ADGRF1: variants seen among roughly 807,000 people sequenced by gnomAD.
ADGRF1 encodes the protein adhesion G protein-coupled receptor F1, also known as G protein-coupled receptor 110.
A neutral mutation model predicts 87.2 loss-of-function variants in ADGRF1; 85 were observed. The ratio of observed to expected loss-of-function variants is 0.97; its 90% confidence interval spans 0.82 to 1.17. The LOEUF (loss-of-function observed/expected upper bound fraction) is 1.17. ADGRF1 is among the 50% of genes most tolerant of loss of function. The pLI, the probability that ADGRF1 is intolerant of heterozygous loss-of-function variation, is 0.00. For synonymous variants in ADGRF1, 430 were observed against 408.8 expected, an observed-to-expected ratio of 1.05 and a Z score of -0.63; for missense variants, 1,169 against 1,077.2, an observed-to-expected ratio of 1.09 and a Z score of -1.19.
intron 7 of ADGRF1, chr6:47,018,208 T>A: frequency 2.8e-6 from 1 of 358,470 alleles, no homozygotes; most frequent in Non-Finnish European, 4.8e-6. Flanking sequence ...AGTAATAAAT[T>A]TAGAATCCAT....
At chr6:47,013,015 G>T in intron 9 of ADGRF1, 1 of 935,512 alleles carries the variant, frequency 1.1e-6, no homozygotes, top group Non-Finnish European at 1.3e-6. Flanking sequence ...CTCATGATCT[G>T]CCCGGCTTGG....
At position 47,009,486 on chromosome 6, in the gene ADGRF1, G is replaced by A. The variant is rs766570587; in HGVS notation, c.1949C>T (p.Thr650Met). The part of the protein sequence containing the change: ...WFIVGATVDT[T>M]VNPSGVCTAA... The stretch of plus-strand genomic sequence containing the variant: ...TGTGCAGACTCCAGAAGGGTTCACC[G>A]TGGTGTCCACTGTGGCACCAACAAT... The change falls in exon 11 of 15, where the codon ACG becomes ATG. Residue 650 changes from threonine (T) to methionine (M), a missense_variant. Transcript: ENST00000371253. 9.9e-6 allele frequency: 16 copies of A among 1,613,922 alleles called. No homozygotes were observed. The highest frequency in any genetic ancestry group is 3.3e-4 in the Middle Eastern group (2 of 6,062).
intron 8 of ADGRF1, among the ~76,000 whole-genome samples, chr6:47,016,028 G>A (rs1354568521): frequency 1.3e-5 from 2 of 152,066 alleles, no homozygotes; most frequent in African/African-American, 4.8e-5. Context: ...GTGAGCCACT[G>A]CACCCAGCCA....
chr6:47,010,852 C>T (rs1303535229), intron 10 of ADGRF1, among the ~76,000 whole-genome samples: 1 of 152,164 alleles, frequency 6.6e-6, no homozygotes, highest in Non-Finnish European at 1.5e-5. Context: ...AAAGCCTGAA[C>T]CCAAGCATTG....
At chr6:47,030,328 T>C (rs1460903329) in intron 1 of ADGRF1, among the ~76,000 whole-genome samples, 1 of 152,200 alleles carries the variant, frequency 6.6e-6, no homozygotes, top group Non-Finnish European at 1.5e-5. Flanking sequence ...ATGGTCCTCT[T>C]ATGCCCCACC....
intron 13 of ADGRF1, among the ~76,000 whole-genome samples, chr6:47,002,641 C>T (rs567826092): frequency 1.3e-5 from 2 of 152,132 alleles, no homozygotes; most frequent in South Asian, 4.2e-4. Flanking sequence ...TTATATGGGT[C>T]GAAACACTTA....
intron 9 of ADGRF1, 141 bp downstream of exon 9, chr6:47,014,540 G>A (rs1479581097): frequency 8.3e-6 from 12 of 1,450,088 alleles, no homozygotes; most frequent in Non-Finnish European, 1.1e-5. Flanking sequence ...GGTTCACCAG[G>A]GTCTGATGTC....
chr6:47,034,561 T>C (rs1464974699), intron 1 of ADGRF1, among the ~76,000 whole-genome samples: 1 of 152,238 alleles, frequency 6.6e-6, no homozygotes. Context: ...TTTGTTCAAC[T>C]ACCGTATACT....
intron 7 of ADGRF1, chr6:47,018,401 A>G: frequency 7.8e-7 from 1 of 1,277,474 alleles, no homozygotes. Flanking sequence ...CCGCAGCTCA[A>G]ATTCTTACTA....
At chr6:47,027,184 G>T (rs1399938420) in intron 3 of ADGRF1, among the ~76,000 whole-genome samples, 2 of 152,146 alleles carry the variant, frequency 1.3e-5, no homozygotes, top group African/African-American at 4.8e-5. Context: ...GTCATTCCAA[G>T]TTGAAATTTT....
intron 5 of ADGRF1, 135 bp from the exon 6 acceptor site, chr6:47,022,193 T>C: frequency 1.7e-6 from 1 of 573,234 alleles, no homozygotes; most frequent in Non-Finnish European, 3.0e-6. Context: ...TAAGAAATGT[T>C]CACCTAAAAT....
In ADGRF1 at chr6:47,025,840, G is replaced by A. The variant is rs546600179; in HGVS notation, c.277+14C>T. 7.3e-5 allele frequency: 115 copies of A among 1,564,636 alleles called. 1 individual carries two copies. In the South Asian group the frequency reaches 1.0e-3, roughly 14 times the overall value. ...TTCCCCATTTATACATCCAGTCACC[G>A]AGAGCCACCTTACCTGTGGTAGCCT... is the stretch of plus-strand genomic sequence containing the variant. On this transcript the variant is annotated intron_variant, in intron 4 of 14. Coordinates refer to ENST00000371253, the MANE Select transcript of ADGRF1 (RefSeq NM_153840.4).
rs1022411485 is a variant in ADGRF1 at position 47,019,272 on chromosome 6, C to T, written c.611+1459G>A. 11 of 957,204 alleles carry T rather than the reference C, an allele frequency of 1.1e-5. 1 individual carries two copies. The South Asian group carries it at 4.4e-4, about 38-fold the overall frequency. 59.3% of individuals were successfully genotyped at this position (957,204 alleles called of 1,614,324 possible). A position where few individuals can be genotyped will look rare whatever the true frequency, so the allele number is the denominator to read the frequency against. Reference sequence around the variant, plus strand: ...TTGAAAGTATGATCAACTGTATAAACCTCAATATAAAAAAAAGCAGTGTTT... The same window carrying T: ...TTGAAAGTATGATCAACTGTATAAATCTCAATATAAAAAAAAGCAGTGTTT... On this transcript the variant is annotated intron_variant, in intron 7 of 14. Coordinates refer to ENST00000371253, the MANE Select transcript of ADGRF1 (RefSeq NM_153840.4).
chr6:47,039,103 T>C (rs1780668214), intron 1 of ADGRF1, among the ~76,000 whole-genome samples: 1 of 152,170 alleles, frequency 6.6e-6, no homozygotes, highest in Admixed American at 6.5e-5. Context: ...AAAGAAACTC[T>C]TATCAGGTTT....
chr6:47,039,058 A>G (rs1780667506), intron 1 of ADGRF1, among the ~76,000 whole-genome samples: 3 of 152,218 alleles, frequency 2.0e-5, no homozygotes, highest in Non-Finnish European at 4.4e-5. Context: ...CAACTTCACA[A>G]ATGTATAATA....
intron 4 of ADGRF1, among the ~76,000 whole-genome samples, chr6:47,025,199 G>A (rs894353441): frequency 3.9e-5 from 6 of 152,064 alleles, no homozygotes; most frequent in African/African-American, 1.2e-4. Context: ...AGACACCTTT[G>A]TGAAAATACC....
Position 46,998,937 on chromosome 6 carries a change from A to G in ADGRF1, c.*1285T>C, listed in dbSNP as rs991364822. On this transcript the variant is annotated 3_prime_UTR_variant, in exon 15 of 15. Transcript: ENST00000371253. ...GAATTTCTCTCAGGTATGCTTATTT[A>G]ATCTACCACCACTAACTAGAAGTTC... 2 of 152,234 alleles carry G rather than the reference A, an allele frequency of 1.3e-5. No individual in the cohort carries two copies. The highest frequency in any genetic ancestry group is 2.9e-5 in the Non-Finnish European group (2 of 68,066). 9.4% of individuals were successfully genotyped at this position (152,234 alleles called of 1,614,324 possible).
Position 47,027,740 on chromosome 6 carries a change from T to A in ADGRF1, c.91A>T (p.Lys31Ter), listed in dbSNP as rs2113901515. The A allele has an allele frequency of 1.3e-6, 2 of 1,595,046 alleles. No homozygotes were observed. The highest frequency in any genetic ancestry group is 4.5e-5 in the East Asian group (2 of 44,770). ...FLGKNDGIKT[K>*]KELIVNKKKH... ...TTCTTATTCACAATGAGTTCTTTTT[T>A]TGTTTTGATGCCATCATTTTTCTGT... The change falls in exon 3 of 15, where the codon AAA (lysine) becomes TAA (stop). Residue 31 changes from lysine (K) to a stop codon, truncating the protein, a stop_gained. Coordinates refer to ENST00000371253, the MANE Select transcript of ADGRF1 (RefSeq NM_153840.4). LOFTEE classifies it high-confidence loss of function.
Position 47,022,027 on chromosome 6 carries a change from C to G in ADGRF1, c.483G>C (p.Arg161Ser). ...KIWGTFKINERFTNDLLNSSS... is the reference protein window; with the variant it reads ...KIWGTFKINESFTNDLLNSSS... ...ATGAATTCAAAAGGTCATTTGTAAA[C>G]CTTTCATTAATTTTGAAAGTGCCCC... The change falls in exon 6 of 15, where the codon AGG (arginine) becomes AGC (serine). Residue 161 changes from arginine (R) to serine (S), a missense_variant. Coordinates refer to ENST00000371253, the MANE Select transcript of ADGRF1 (RefSeq NM_153840.4). 1 of 1,581,600 alleles carries G rather than the reference C, an allele frequency of 6.3e-7. No homozygotes were observed. Among genetic ancestry groups the G allele is most frequent in the South Asian group, 1.2e-5 (1 of 85,332 alleles).
Sources: gnomAD v4.1 joint callset for allele counts (sites outside exome capture counted in the v4.1 genomes callset) on GRCh38, gnomAD v4.1.1 for gene constraint, MANE v1.5 for transcripts, NCBI Gene and HGNC (gene_info 2026-07-23, HGNC 2026-07-21) for gene names.